Variants in CHD6 observed in about 807,000 individuals in gnomAD.
CHD6 encodes ATP-dependent chromatin remodeler CHD6.
A neutral mutation model predicts 276.9 loss-of-function variants in CHD6; 50 were observed. That is an observed-to-expected ratio of 0.18 (90% CI 0.14 to 0.23). CHD6 has a LOEUF of 0.23. Among genes scored for constraint, CHD6 ranks in the 10% least tolerant of loss-of-function variants. The probability of loss-of-function intolerance (pLI) is 1.00; values close to 1 mark genes in which losing one functional copy is unlikely to be tolerated. For synonymous variants in CHD6, 1,173 were observed against 1,229.3 expected (o/e 0.95, Z 0.96); for missense variants, 2,564 against 3,365.8 (o/e 0.76, Z 5.89).
At chr20:41,458,509 C>T (rs781629343) in intron 17 of CHD6, among the ~76,000 whole-genome samples, 15 of 152,156 alleles carry the variant, frequency 9.9e-5, no homozygotes, top group East Asian at 1.9e-4. Flanking sequence ...AGACGAGAAT[C>T]AACTCTGCAG....
At chr20:41,464,527 AAAG>A (rs1469764960) in intron 17 of CHD6, among the ~76,000 whole-genome samples, 1 of 152,218 alleles carries the variant, frequency 6.6e-6, no homozygotes, top group Non-Finnish European at 1.5e-5. Flanking sequence ...CCTGCCAGAG[AAAG>A]AAGTTACAAA....
At chr20:41,440,188 G>A in intron 25 of CHD6, 59 bp from the exon 26 acceptor site, 3 of 1,506,116 alleles carry the variant, frequency 2.0e-6, no homozygotes, top group South Asian at 1.2e-5. Context: ...TATTTGCTTT[G>A]GGCACTAGTC....
intron 12 of CHD6, 145 bp downstream of exon 12, chr20:41,489,633 G>A: frequency 1.0e-6 from 1 of 999,070 alleles, no homozygotes; most frequent in African/African-American, 1.6e-5. Context: ...ACCAGGGAGA[G>A]CAGGAGTCAG....
intron 17 of CHD6, among the ~76,000 whole-genome samples, chr20:41,468,026 T>A (rs1183463869): frequency 6.6e-6 from 1 of 152,052 alleles, no homozygotes; most frequent in Non-Finnish European, 1.5e-5. Context: ...ATCCTTTTCA[T>A]TATTTCTGCT....
chr20:41,537,530 G>C (rs2044858995), intron 2 of CHD6, among the ~76,000 whole-genome samples: 1 of 152,174 alleles, frequency 6.6e-6, no homozygotes, highest in Non-Finnish European at 1.5e-5. Context: ...ATCCCCCATG[G>C]ACGCTGAGGA....
intron 1 of CHD6, among the ~76,000 whole-genome samples, chr20:41,583,623 C>T (rs753950944): frequency 3.3e-5 from 5 of 152,040 alleles, no homozygotes; most frequent in Non-Finnish European, 5.9e-5. Flanking sequence ...GAAGTCAATG[C>T]GAGATCTTTT....
intron 1 of CHD6, among the ~76,000 whole-genome samples, chr20:41,602,036 G>T (rs2045778315): frequency 6.6e-6 from 1 of 152,130 alleles, no homozygotes; most frequent in African/African-American, 2.4e-5. Context: ...AAGCTACACT[G>T]CATTCTTTAG....
chr20:41,519,000 G>C (rs73611294), intron 3 of CHD6, among the ~76,000 whole-genome samples: 1,910 of 152,266 alleles, frequency 0.013, 14 homozygotes, highest in South Asian at 0.027. Context: ...ATAATGGATA[G>C]GCCAGGTGTG....
chr20:41,451,061 T>C lies in CHD6; in HGVS notation c.3568A>G (p.Lys1190Glu). 6.2e-7 allele frequency: 1 copy of C among 1,614,072 alleles called. No homozygotes were observed. Among genetic ancestry groups the C allele is most frequent in the Non-Finnish European group, 8.5e-7 (1 of 1,179,918 alleles). ...VPRGRKGKKT[K>E]NQLLIPELKD... ...AGCTCTGGGATTAGCAACTGGTTCT[T>C]CGTCTTCTTCCCCTTCCTCCCTCTG... Residue 1190 changes from lysine (K) to glutamate (E), a missense_variant, in exon 23 of 37, where the codon AAG (lysine) becomes GAG (glutamate). Around this residue, in one of 7 missense-constraint regions of CHD6, gnomAD observed 515 missense variants for 739.5 expected, o/e 0.70. Coordinates refer to ENST00000373233, the MANE Select transcript of CHD6 (RefSeq NM_032221.5).
In CHD6 at chr20:41,473,511, G is replaced by C. The variant is rs763850994; in HGVS notation, c.2475C>G (p.Thr825=). ...GTACTCGCCCATCAATTCGCTCATAGGTGTATCTGAGGGGACCCAAATGAA... is the reference window on the plus strand; with the variant it reads ...GTACTCGCCCATCAATTCGCTCATACGTGTATCTGAGGGGACCCAAATGAA... ...LEDYLIQRRY[T]YERIDGRVRG... The change falls in exon 17 of 37, where the codon ACC becomes ACG. Residue 825 remains threonine (T), a synonymous_variant. Transcript: ENST00000373233. This position sits in a 1 kb window ranked among gnomAD's most constrained non-coding sequence, Gnocchi z 4.1. The C allele has an allele frequency of 2.3e-5, 37 of 1,613,774 alleles. 1 individual carries two copies. The Middle Eastern group carries it at 1.2e-3, about 50-fold the overall frequency.
chr20:41,564,171 CT>C (rs1365571630), intron 1 of CHD6: 4 of 706,930 alleles, frequency 5.7e-6, no homozygotes, highest in South Asian at 4.7e-5. Flanking sequence ...AAAAGTTACT[CT>C]GTTAACATTG....
intron 27 of CHD6, among the ~76,000 whole-genome samples, chr20:41,427,103 G>C (rs916591888): frequency 2.6e-5 from 4 of 151,958 alleles, no homozygotes; most frequent in African/African-American, 9.7e-5. Flanking sequence ...GAAAAAAAGG[G>C]AGGAAGAATA....
At chr20:41,609,091 T>C (rs2045858902) in intron 1 of CHD6, among the ~76,000 whole-genome samples, 1 of 152,170 alleles carries the variant, frequency 6.6e-6, no homozygotes, top group Non-Finnish European at 1.5e-5. Context: ...TGTCCAACTA[T>C]CAGATCTAAA....
intron 1 of CHD6, among the ~76,000 whole-genome samples, chr20:41,569,576 G>A (rs1049498345): frequency 1.3e-4 from 20 of 152,062 alleles, no homozygotes; most frequent in African/African-American, 4.6e-4. Flanking sequence ...TTGGTAAACA[G>A]TACCAATATC....
At chr20:41,487,530 A>G in intron 14 of CHD6, 135 bp downstream of exon 14, 2 of 855,622 alleles carry the variant, frequency 2.3e-6, no homozygotes, top group Middle Eastern at 2.6e-4. Context: ...ACACAAACAC[A>G]TAAAATAAAG....
At chr20:41,417,925 A>C (rs1470173312) in intron 31 of CHD6, among the ~76,000 whole-genome samples, 1 of 152,278 alleles carries the variant, frequency 6.6e-6, no homozygotes, top group African/African-American at 2.4e-5. Flanking sequence ...AGTAATGGTG[A>C]AAGTTTATCA....
At chr20:41,539,130 T>C (rs922110448) in intron 2 of CHD6, among the ~76,000 whole-genome samples, 1 of 152,188 alleles carries the variant, frequency 6.6e-6, no homozygotes. Flanking sequence ...TAATGAAGGC[T>C]TTGATCCATG....
chr20:41,470,354 TA>T (rs796889786), intron 17 of CHD6, among the ~76,000 whole-genome samples: 1,679 of 143,816 alleles, frequency 0.012, 25 homozygotes, highest in African/African-American at 0.031. Flanking sequence ...GGCTAGACTT[TA>T]AAAAAAAAAA....
chr20:41,527,597 C>T (rs6129860), intron 3 of CHD6, among the ~76,000 whole-genome samples: 7,334 of 152,248 alleles, frequency 0.048, 487 homozygotes, highest in East Asian at 0.34. Context: ...CCTGCTCACT[C>T]GGCTGTGCCT....
Sources: allele counts gnomAD v4.1 joint callset (sites outside exome capture counted in the v4.1 genomes callset), GRCh38; gene constraint gnomAD v4.1.1; regional missense constraint gnomAD v4.1.1; non-coding constraint Gnocchi (gnomAD v3.1); transcripts MANE v1.5; gene names NCBI Gene and HGNC (gene_info 2026-07-23, HGNC 2026-07-21).